BMP15: variants seen among roughly 807,000 people sequenced by gnomAD.
BMP15 encodes the protein bone morphogenetic protein 15.
A neutral mutation model predicts 4.4 loss-of-function variants in BMP15; 5 were observed. That is an observed-to-expected ratio of 1.13 (90% CI 0.59 to 2.38). The LOEUF is 2.38. BMP15 is among the 30% of genes most tolerant of loss of function. The probability of loss-of-function intolerance (pLI) is 0.01; values close to 1 mark genes in which losing one functional copy is unlikely to be tolerated. For missense variants in BMP15, 339 were observed against 309.8 expected (o/e 1.09, Z -0.71); for synonymous variants, 125 against 114.6 (o/e 1.09, Z -0.58).
chrX:50,915,464 A>T (rs781877217), intron 1 of BMP15, among the ~76,000 whole-genome samples: 2 of 110,731 alleles, frequency 1.8e-5, no homozygotes, highest in Non-Finnish European at 3.8e-5. Flanking sequence ...TCAAATCTTA[A>T]CTCTACCACA....
At position 50,916,495 on chromosome X, in the gene BMP15, C is replaced by T. The variant is rs1387252656; in HGVS notation, c.1067C>T (p.Ser356Phe). 3 of 1,209,365 alleles carry T rather than the reference C, an allele frequency of 2.5e-6. No homozygotes were observed. The highest frequency in any genetic ancestry group is 3.4e-6 in the Non-Finnish European group (3 of 895,188). ...GTGGACCAGAGTGTCCCCCGGCCCTCCTGTGTCCCGTATAAGTATGTTCCA... is the reference window on the plus strand; with the variant it reads ...GTGGACCAGAGTGTCCCCCGGCCCTTCTGTGTCCCGTATAAGTATGTTCCA... The part of the protein sequence containing the change: ...QLVDQSVPRP[S>F]CVPYKYVPIS... The change falls in exon 2 of 2, where the codon TCC (serine) becomes TTC (phenylalanine). Residue 356 changes from serine (S) to phenylalanine (F), a missense_variant. Coordinates refer to ENST00000252677, the MANE Select transcript of BMP15 (RefSeq NM_005448.2).
Position 50,916,147 on chromosome X carries a change from A to T in BMP15, c.719A>T (p.His240Leu). Residue 240 changes from histidine (H) to leucine (L), a missense_variant, in exon 2 of 2, where the codon CAT (histidine) becomes CTT (leucine). Transcript: ENST00000252677. ...TTGTTACTCTATTTCAATGATACTCATAAAAGCATTCGGAAGGCTAAATTT... is the reference window on the plus strand; with the variant it reads ...TTGTTACTCTATTTCAATGATACTCTTAAAAGCATTCGGAAGGCTAAATTT... ...AFLLLYFNDT[H>L]KSIRKAKFLP... is the part of the protein sequence containing the mutation. 8.3e-7 allele frequency: 1 copy of T among 1,211,780 alleles called. No individual in the cohort carries two copies. The highest frequency in any genetic ancestry group is 1.8e-5 in the South Asian group (1 of 56,972).
intron 1 of BMP15, among the ~76,000 whole-genome samples, chrX:50,911,356 C>A (rs1456680751): frequency 8.9e-6 from 1 of 112,724 alleles, no homozygotes; most frequent in Admixed American, 9.3e-5. Context: ...GGCCCCAGGA[C>A]AACTGAGTGA....
At position 50,915,928 on chromosome X, in the gene BMP15, C is replaced by T. The variant is rs782731730; in HGVS notation, c.500C>T (p.Ser167Leu). 8.3e-7 allele frequency: 1 copy of T among 1,211,753 alleles called. No individual in the cohort carries two copies. The highest frequency in any genetic ancestry group is 2.2e-5 in the Admixed American group (1 of 46,046). Reference protein sequence around the residue: ...QKNPTNHFPSSEGDSSKPSLM... With the variant: ...QKNPTNHFPSLEGDSSKPSLM... ...AACCCAACCAACCACTTCCCTTCCT[C>T]AGAAGGAGATTCCTCAAAACCTTCC... Residue 167 changes from serine (S) to leucine (L), a missense_variant, in exon 2 of 2, where the codon TCA becomes TTA. Transcript: ENST00000252677.
At chrX:50,913,420 C>T (rs1346721733) in intron 1 of BMP15, among the ~76,000 whole-genome samples, 1 of 110,746 alleles carries the variant, frequency 9.0e-6, no homozygotes, top group Non-Finnish European at 1.9e-5. Flanking sequence ...ATGATTGTGC[C>T]ACTGCACTCC....
In BMP15 at chrX:50,916,440, G is replaced by A. The variant is rs781989221; in HGVS notation, c.1012G>A (p.Ala338Thr). 5 of 1,210,605 alleles carry A rather than the reference G, an allele frequency of 4.1e-6. No homozygotes were observed. Among genetic ancestry groups the A allele is most frequent in the East Asian group, 3.0e-5 (1 of 33,794 alleles). The change falls in exon 2 of 2, where the codon GCC becomes ACC. Residue 338 changes from alanine (A) to threonine (T), a missense_variant. Coordinates refer to ENST00000252677, the MANE Select transcript of BMP15 (RefSeq NM_005448.2). ...LRDGLNSPNH[A>T]IIQNLINQLV... ...CGATGGTCTCAATTCCCCCAATCAC[G>A]CCATTATTCAGAACCTTATCAATCA...
rs1468822574 is a variant in BMP15, at chrX:50,916,170, T to C, written c.742T>C (p.Phe248Leu). The C allele has an allele frequency of 8.3e-7, 1 of 1,208,655 alleles. No individual in the cohort carries two copies. ...TCATAAAAGCATTCGGAAGGCTAAA[T>C]TTCTTCCCAGGGGCATGGAGGAGTT... ...DTHKSIRKAK[F>L]LPRGMEEFME... Residue 248 changes from phenylalanine to leucine, a missense_variant, in exon 2 of 2, where the codon TTT (phenylalanine) becomes CTT (leucine). Coordinates refer to ENST00000252677, the MANE Select transcript of BMP15 (RefSeq NM_005448.2).
Position 50,916,247 on chromosome X carries a change from A to C in BMP15, c.819A>C (p.Ser273=), listed in dbSNP as rs73488038. The change falls in exon 2 of 2, where the codon TCA becomes TCC. Residue 273 remains serine (S), a synonymous_variant. Coordinates refer to ENST00000252677, the MANE Select transcript of BMP15 (RefSeq NM_005448.2). ...GAACCCGACAAGCAGATGGTATCTCAGCTGAGGTTACTGCCTCTTCCTCAA... is the reference window on the plus strand; with the variant it reads ...GAACCCGACAAGCAGATGGTATCTCCGCTGAGGTTACTGCCTCTTCCTCAA... ...LRRTRQADGI[S]AEVTASSSKH... 1.3e-3 allele frequency: 1,578 copies of C among 1,208,992 alleles called. 11 individuals carry two copies. In the African/African-American group the frequency reaches 0.024, roughly 18 times the overall value.
rs782227942 is a variant in BMP15 at position 50,910,868 on chromosome X, G to A, written c.85G>A (p.Gly29Arg). 2 of 1,206,717 alleles carry A rather than the reference G, an allele frequency of 1.7e-6. No individual in the cohort carries two copies. Among genetic ancestry groups the A allele is most frequent in the African/African-American group, 1.7e-5 (1 of 57,438 alleles). ...ACACAGGGCCCAAATGGCAGAAGGA[G>A]GGCAGTCCTCTATTGCCCTTCTGGC... Reference protein sequence around the residue: ...MEHRAQMAEGGQSSIALLAEA... With the variant: ...MEHRAQMAEGRQSSIALLAEA... The change falls in exon 1 of 2, where the codon GGG becomes AGG. Residue 29 changes from glycine to arginine, a missense_variant. Coordinates refer to ENST00000252677, the MANE Select transcript of BMP15 (RefSeq NM_005448.2).
At chrX:50,911,191 A>G (rs1923008417) in intron 1 of BMP15, 80 bp downstream of exon 1, 1 of 1,066,288 alleles carries the variant, frequency 9.4e-7, no homozygotes, top group Admixed American at 2.6e-5. Context: ...TGGTGGGTTT[A>G]CTGTCAGGCT....
chrX:50,911,197 A>G (rs782785804), intron 1 of BMP15, 86 bp downstream of exon 1: 3 of 1,049,692 alleles, frequency 2.9e-6, no homozygotes, highest in East Asian at 3.3e-5. Flanking sequence ...GTTTACTGTC[A>G]GGCTTTGTTG....
chrX:50,911,007 G>T lies in BMP15; in HGVS notation c.224G>T (p.Arg75Leu). Residue 75 changes from arginine to leucine, a missense_variant, in exon 1 of 2, where the codon CGG becomes CTG. Transcript: ENST00000252677. ...HSLRYMLELY[R>L]RSADSHGHPR... ...CTGCGGTACATGCTGGAGTTGTACC[G>T]GCGTTCAGCTGACTCGCATGGGCAC... 1 of 1,195,258 alleles carries T rather than the reference G, an allele frequency of 8.4e-7. No individual in the cohort carries two copies. Among genetic ancestry groups the T allele is most frequent in the East Asian group, 3.0e-5 (1 of 32,865 alleles).
intron 1 of BMP15, among the ~76,000 whole-genome samples, chrX:50,914,790 T>C (rs1923092813): frequency 9.0e-6 from 1 of 111,654 alleles, no homozygotes; most frequent in Non-Finnish European, 1.9e-5. Flanking sequence ...ATCTTTGCTC[T>C]TGACCTTCGC....
intron 1 of BMP15, among the ~76,000 whole-genome samples, chrX:50,914,221 C>T (rs1209198193): frequency 2.7e-5 from 3 of 112,093 alleles, no homozygotes; most frequent in Non-Finnish European, 3.8e-5. Context: ...ATCCGCCCGC[C>T]TCAGACTCCC....
Position 50,915,754 on chromosome X carries a change from C to T in BMP15, c.329-3C>T. The T allele has an allele frequency of 8.3e-7, 1 of 1,211,467 alleles. No individual in the cohort carries two copies. The highest frequency in any genetic ancestry group is 1.1e-6 in the Non-Finnish European group (1 of 895,313). On this transcript the variant is annotated splice_region_variant and splice_polypyrimidine_tract_variant and intron_variant, in intron 1 of 1. Coordinates refer to ENST00000252677, the MANE Select transcript of BMP15 (RefSeq NM_005448.2). ...CTGCTCTTGTTCCCTCTTACTTCTG[C>T]AGGTACCTGGCATATACAGATCCTG...
In BMP15 at chrX:50,910,997, G is replaced by C; in HGVS notation, c.214G>C (p.Glu72Gln). 1 of 1,192,848 alleles carries C rather than the reference G, an allele frequency of 8.4e-7. No individual in the cohort carries two copies. Among genetic ancestry groups the C allele is most frequent in the Non-Finnish European group, 1.1e-6 (1 of 885,615 alleles). ...AGGGCATTCACTGCGGTACATGCTG[G>C]AGTTGTACCGGCGTTCAGCTGACTC... ...LLGHSLRYML[E>Q]LYRRSADSHG... Residue 72 changes from glutamate to glutamine, a missense_variant, in exon 1 of 2, where the codon GAG becomes CAG. Transcript: ENST00000252677.
chrX:50,913,012 G>T (rs150173925), intron 1 of BMP15, among the ~76,000 whole-genome samples: 1 of 111,487 alleles, frequency 9.0e-6, no homozygotes, highest in Non-Finnish European at 1.9e-5. Flanking sequence ...TGCCTAGAGG[G>T]TGAAAACAAG....
chrX:50,911,208 C>G, intron 1 of BMP15, 97 bp downstream of exon 1: 1 of 1,003,486 alleles, frequency 1.0e-6, no homozygotes, highest in Non-Finnish European at 1.4e-6. Context: ...GGCTTTGTTG[C>G]CTTGTGGGCA....
rs782334421 is a variant in BMP15, at chrX:50,916,572, G to T, written c.1144G>T (p.Glu382Ter). ...TGGGAGTATTTTGTACAAGGAGTAT[G>T]AGGGTATGATTGCTGAGTCTTGTAC... The part of the protein sequence containing the change: ...ANGSILYKEY[E>*]GMIAESCTCR The change falls in exon 2 of 2, where the codon GAG becomes TAG. Residue 382 changes from glutamate (E) to a stop codon, truncating the protein, a stop_gained. Transcript: ENST00000252677. LOFTEE classifies it high-confidence loss of function. 4 of 1,209,485 alleles carry T rather than the reference G, an allele frequency of 3.3e-6. No individual in the cohort carries two copies. In the African/African-American group the frequency reaches 7.0e-5, roughly 21 times the overall value.
Sources: allele counts gnomAD v4.1 joint callset (sites outside exome capture counted in the v4.1 genomes callset), GRCh38; gene constraint gnomAD v4.1.1; transcripts MANE v1.5; gene names NCBI Gene and HGNC (gene_info 2026-07-23, HGNC 2026-07-21).